The following MEF2A variants were observed in gnomAD, a reference collection of about 807,000 sequenced individuals.
The protein encoded by MEF2A is myocyte enhancer factor 2A, also known as myocyte-specific enhancer factor 2A.
Under a neutral mutation model 55.8 loss-of-function variants are expected in MEF2A, and 28 were observed. That is an observed-to-expected ratio of 0.50 (90% confidence interval 0.37 to 0.69). The LOEUF is 0.69. MEF2A is among the 30% of genes least tolerant of loss of function. The probability of loss-of-function intolerance (pLI) is 0.00; values close to 1 mark genes in which losing one functional copy is unlikely to be tolerated. For synonymous variants in MEF2A, 239 were observed against 227.1 expected (o/e 1.05, Z -0.47); for missense variants, 528 against 626.2 (o/e 0.84, Z 1.67).
intron 1 of MEF2A, among the ~76,000 whole-genome samples, chr15:99,567,449 A>G (rs1219282580): frequency 6.6e-6 from 1 of 152,222 alleles, no homozygotes; most frequent in African/African-American, 2.4e-5. Flanking sequence ...GGCAACTGCT[A>G]AGTACTCTAG....
rs973827026 is a variant in MEF2A, at chr15:99,709,285, C to T, written c.1010-1349C>T. Among the ~76,000 whole-genome samples the T allele has an allele frequency of 5.2e-4, 79 of 152,154 alleles. 1 individual carries two copies. Among genetic ancestry groups the T allele is most frequent in the Non-Finnish European group, 6.6e-4 (45 of 68,026 alleles). On this transcript the variant is annotated intron_variant, in intron 10 of 11. Transcript: ENST00000557942. The stretch of plus-strand genomic sequence containing the variant: ...AGGATAACACCCATGGGCTTCTGCA[C>T]GAGCTGCTGGGTGCATGTTGGTGCC...
At chr15:99,662,299 A>G (rs2048786904) in intron 4 of MEF2A, among the ~76,000 whole-genome samples, 2 of 152,142 alleles carry the variant, frequency 1.3e-5, no homozygotes, top group Admixed American at 6.5e-5. Context: ...TACCTTACAT[A>G]TTTCACAATT....
intron 2 of MEF2A, among the ~76,000 whole-genome samples, chr15:99,600,193 G>A (rs1289620816): frequency 6.6e-6 from 1 of 152,166 alleles, no homozygotes; most frequent in African/African-American, 2.4e-5. Flanking sequence ...ATGGCTGTGG[G>A]TATAACTTCA....
In MEF2A at chr15:99,706,714, T is replaced by G. The variant is rs369091586; in HGVS notation, c.883-15T>G. On this transcript the variant is annotated splice_polypyrimidine_tract_variant and intron_variant, in intron 9 of 11. Coordinates refer to ENST00000557942, the MANE Select transcript of MEF2A (RefSeq NM_001319206.4). ...TACCACATCAGAACACATTTTCTCT[T>G]TTTTGATCTCACAGAATACCCAGAG... 6.2e-7 allele frequency: 1 copy of G among 1,611,474 alleles called. No individual in the cohort carries two copies. The highest frequency in any genetic ancestry group is 1.7e-5 in the Admixed American group (1 of 60,028).
intron 1 of MEF2A, among the ~76,000 whole-genome samples, chr15:99,594,320 T>C (rs1171981306): frequency 6.6e-6 from 1 of 152,152 alleles, no homozygotes; most frequent in Admixed American, 6.5e-5. Context: ...TATAGATGAA[T>C]GACCAGATGG....
chr15:99,590,705 G>A (rs1003305256), intron 1 of MEF2A, among the ~76,000 whole-genome samples: 1 of 151,274 alleles, frequency 6.6e-6, no homozygotes, highest in African/African-American at 2.4e-5. Context: ...TGAACTTATC[G>A]CAATCCACCT....
chr15:99,667,497 A>G (rs1420823423), intron 4 of MEF2A, among the ~76,000 whole-genome samples: 1 of 152,196 alleles, frequency 6.6e-6, no homozygotes, highest in Non-Finnish European at 1.5e-5. Flanking sequence ...TGCTGGGATT[A>G]CAGGCGTCAG....
At chr15:99,688,761 G>A (rs325394) in intron 7 of MEF2A, among the ~76,000 whole-genome samples, 99,416 of 151,682 alleles carry the variant, frequency 0.66, 35,601 homozygotes, top group Middle Eastern at 0.86. Context: ...CGTCTGAAAA[G>A]TAAATAAATA....
chr15:99,599,381 G>A (rs1972256616), intron 2 of MEF2A, among the ~76,000 whole-genome samples: 1 of 152,024 alleles, frequency 6.6e-6, no homozygotes, highest in Admixed American at 6.6e-5. Context: ...CTTGGAAAAG[G>A]TATCTTAAAA....
intron 8 of MEF2A, among the ~76,000 whole-genome samples, chr15:99,702,523 G>T (rs1388171991): frequency 6.6e-6 from 1 of 151,576 alleles, no homozygotes; most frequent in Non-Finnish European, 1.5e-5. Context: ...TGCCGCCCGG[G>T]TTCAAGCAAT....
At chr15:99,696,129 A>G (rs1422556918) in intron 8 of MEF2A, among the ~76,000 whole-genome samples, 1 of 152,214 alleles carries the variant, frequency 6.6e-6, no homozygotes, top group Non-Finnish European at 1.5e-5. Flanking sequence ...GACTGATAGA[A>G]CTAAAAGGTG....
At chr15:99,644,830 A>G (rs933606407) in intron 3 of MEF2A, among the ~76,000 whole-genome samples, 7 of 152,152 alleles carry the variant, frequency 4.6e-5, no homozygotes, top group African/African-American at 1.7e-4. Context: ...GCTCACCCCA[A>G]GGAGGGTTGT....
chr15:99,593,471 T>A (rs142530253), intron 1 of MEF2A, among the ~76,000 whole-genome samples: 1 of 152,182 alleles, frequency 6.6e-6, no homozygotes, highest in Non-Finnish European at 1.5e-5. Flanking sequence ...GTAGCAAATA[T>A]CTTAAGGCAT....
intron 1 of MEF2A, among the ~76,000 whole-genome samples, chr15:99,595,867 C>G (rs1360732531): frequency 6.6e-6 from 1 of 152,096 alleles, no homozygotes; most frequent in Non-Finnish European, 1.5e-5. Flanking sequence ...GGCTTGTTGT[C>G]TAGGTTAACA....
chr15:99,661,266 A>G (rs2153570278), intron 4 of MEF2A, among the ~76,000 whole-genome samples: 1 of 152,266 alleles, frequency 6.6e-6, no homozygotes, highest in African/African-American at 2.4e-5. Context: ...TTATAAAGCT[A>G]TTTGCAGGAT....
chr15:99,690,144 A>C lies in MEF2A; in HGVS notation c.671-97A>C, dbSNP rs1370813663. The C allele has an allele frequency of 2.5e-6, 3 of 1,185,066 alleles. No individual in the cohort carries two copies. The African/African-American group carries it at 4.6e-5, about 18-fold the overall frequency. The allele number at this position is 1,185,066 out of a possible 1,614,324, so 73.4% of individuals were successfully genotyped here. ...AACCTGTAGTGAGTTTTGTTATAAA[A>C]TTTATTTGCAACTCAGACTGGGGAA... On this transcript the variant is annotated intron_variant, in intron 7 of 11. Transcript: ENST00000557942.
At position 99,671,537 on chromosome 15, in the gene MEF2A, A is replaced by G. The variant is rs751561056; in HGVS notation, c.390+83A>G. ...TTATTTAGGCTCTGAACAAGAAGGA[A>G]CACAGAGGGTGCGACAGCCCAGACC... On this transcript the variant is annotated intron_variant, in intron 5 of 11. Transcript: ENST00000557942. 2.5e-6 allele frequency: 4 copies of G among 1,613,884 alleles called. No homozygotes were observed. In the East Asian group the frequency reaches 8.9e-5, roughly 36 times the overall value.
intron 7 of MEF2A, among the ~76,000 whole-genome samples, chr15:99,683,501 G>A (rs930444605): frequency 1.1e-4 from 17 of 152,020 alleles, no homozygotes; most frequent in African/African-American, 3.6e-4. Context: ...CCACCTCTGC[G>A]GCTCAGGCAA....
At chr15:99,699,072 A>G (rs1320240234) in intron 8 of MEF2A, among the ~76,000 whole-genome samples, 2 of 146,134 alleles carry the variant, frequency 1.4e-5, no homozygotes, top group Non-Finnish European at 3.1e-5. Flanking sequence ...AAAAAAAAAC[A>G]AAAAAAACTT....
Sources: gnomAD v4.1 joint callset for allele counts (sites outside exome capture counted in the v4.1 genomes callset) on GRCh38, gnomAD v4.1.1 for gene constraint, MANE v1.5 for transcripts, NCBI Gene and HGNC (gene_info 2026-07-23, HGNC 2026-07-21) for gene names.